BMERB1: variants seen among roughly 807,000 people sequenced by gnomAD.
BMERB1 encodes bMERB domain containing 1.
BMERB1 carries 12 observed loss-of-function variants against 23.6 expected under a neutral mutation model. The ratio of observed to expected loss-of-function variants is 0.51; its 90% CI spans 0.33 to 0.82. The LOEUF (loss-of-function observed/expected upper bound fraction) is 0.82. Among genes scored for constraint, BMERB1 ranks in the 40% least tolerant of loss-of-function variants. BMERB1 has a pLI of 0.03. For missense variants in BMERB1, 247 were observed against 255.4 expected, an observed-to-expected ratio of 0.97 and a Z score of 0.22; for synonymous variants, 122 against 96.6, an observed-to-expected ratio of 1.26 and a Z score of -1.54.
intron 3 of BMERB1, among the ~76,000 whole-genome samples, chr16:15,571,289 C>T (rs2150973333): frequency 6.6e-6 from 1 of 152,230 alleles, no homozygotes; most frequent in East Asian, 1.9e-4. Context: ...AAAATAAAGT[C>T]CCAGGACCCC....
chr16:15,451,977 C>T (rs914699718), intron 1 of BMERB1, among the ~76,000 whole-genome samples: 2 of 151,496 alleles, frequency 1.3e-5, no homozygotes, highest in African/African-American at 4.9e-5. Context: ...GAAATCCTTC[C>T]AGAATTTAAA....
Position 15,513,128 on chromosome 16 carries a change from T to G in BMERB1, c.107-2177T>G, listed in dbSNP as rs533624524. 8.5e-5 allele frequency among the ~76,000 whole-genome samples: 13 copies of G among 152,148 alleles called. No homozygotes were observed. In the East Asian group the frequency reaches 1.9e-3, roughly 23 times the overall value. The stretch of plus-strand genomic sequence containing the variant: ...CTCCCCCACTACCGATCAAAGGCCT[T>G]GAATAGCACATCACTTATATCTCAG... On this transcript the variant is annotated intron_variant, in intron 1 of 5. Transcript: ENST00000300006.
At chr16:15,586,590 G>T (rs2031149281) in intron 5 of BMERB1, 127 bp from the exon 6 acceptor site, 4 of 747,418 alleles carry the variant, frequency 5.4e-6, no homozygotes, top group Admixed American at 2.1e-5. Context: ...ACCTGAACAA[G>T]GCCTGGAACA....
intron 2 of BMERB1, among the ~76,000 whole-genome samples, chr16:15,531,813 A>G (rs1304891071): frequency 6.6e-6 from 1 of 152,180 alleles, no homozygotes; most frequent in African/African-American, 2.4e-5. Flanking sequence ...TGTCCCTATC[A>G]CGTGATGGTC....
At chr16:15,546,193 C>G (rs569119982) in intron 2 of BMERB1, among the ~76,000 whole-genome samples, 3 of 152,266 alleles carry the variant, frequency 2.0e-5, no homozygotes, top group East Asian at 3.9e-4. Context: ...GAGGCTGAGG[C>G]AGGAGGATGT....
chr16:15,518,156 T>C (rs2051797521), intron 2 of BMERB1, among the ~76,000 whole-genome samples: 1 of 152,206 alleles, frequency 6.6e-6, no homozygotes, highest in African/African-American at 2.4e-5. Context: ...AGTAAGCTCT[T>C]GACTTGTGAT....
chr16:15,444,442 CTTGGACAA>C (rs1485292081), intron 1 of BMERB1, among the ~76,000 whole-genome samples: 2 of 152,048 alleles, frequency 1.3e-5, no homozygotes, highest in African/African-American at 4.8e-5. Context: ...GCACTGTGAT[CTTGGACAA>C]TTGGCCTAAC....
intron 2 of BMERB1, among the ~76,000 whole-genome samples, chr16:15,543,803 A>G (rs2052107982): frequency 6.6e-6 from 1 of 152,224 alleles, no homozygotes; most frequent in South Asian, 2.1e-4. Flanking sequence ...CCTGGACCAC[A>G]GAGCAAGACC....
At chr16:15,451,600 C>T (rs527421062) in intron 1 of BMERB1, among the ~76,000 whole-genome samples, 26 of 143,646 alleles carry the variant, frequency 1.8e-4, no homozygotes, top group Admixed American at 6.5e-4. Context: ...ACTCTGTTAC[C>T]GAGGCCAGAG....
intron 2 of BMERB1, among the ~76,000 whole-genome samples, chr16:15,541,805 T>C (rs1217028373): frequency 6.6e-6 from 1 of 151,698 alleles, no homozygotes; most frequent in Non-Finnish European, 1.5e-5. Flanking sequence ...GGTTTCACCA[T>C]GTTAGCCAGG....
At chr16:15,470,832 T>G (rs1485019144) in intron 1 of BMERB1, among the ~76,000 whole-genome samples, 1 of 124,470 alleles carries the variant, frequency 8.0e-6, no homozygotes, top group South Asian at 2.8e-4. Context: ...CCTCTTTTTT[T>G]TTTTTTTTTT....
In BMERB1 at chr16:15,556,254, G is replaced by A. The variant is rs184734650; in HGVS notation, c.231-11729G>A. Among the ~76,000 whole-genome samples, 567 of 152,234 alleles carry A rather than the reference G, an allele frequency of 3.7e-3. 6 individuals carry two copies. The highest frequency in any genetic ancestry group is 0.013 in the African/African-American group (526 of 41,552). ...ATGTTGGCTGAGATAGTCCAGGAGA[G>A]TCTCTGTGAGCTGACTTTTTACCTA... On this transcript the variant is annotated intron_variant, in intron 2 of 5. Transcript: ENST00000300006.
chr16:15,576,390 C>CAGGGACGG (rs1406898391), intron 3 of BMERB1, among the ~76,000 whole-genome samples: 7 of 152,174 alleles, frequency 4.6e-5, no homozygotes, highest in African/African-American at 1.2e-4. Flanking sequence ...TTGTGATAAG[C>CAGGGACGG]AGGGACGGTT....
intron 3 of BMERB1, among the ~76,000 whole-genome samples, chr16:15,575,575 C>T (rs1486543008): frequency 6.6e-6 from 1 of 151,966 alleles, no homozygotes; most frequent in African/African-American, 2.4e-5. Context: ...AAGAATTGGA[C>T]AAAATGCACA....
chr16:15,438,462 C>CTTTTTTTTTTTTTTTTTTTTT (rs1241217450), intron 1 of BMERB1, among the ~76,000 whole-genome samples: 1 of 116,136 alleles, frequency 8.6e-6, no homozygotes, highest in African/African-American at 3.1e-5. Context: ...ATTTTCTAGA[C>CTTTTTTTTTTTTTTTTTTTTT]TATTTTTTTT....
At chr16:15,537,486 G>A (rs554831359) in intron 2 of BMERB1, among the ~76,000 whole-genome samples, 5 of 150,802 alleles carry the variant, frequency 3.3e-5, no homozygotes, top group East Asian at 3.9e-4. Flanking sequence ...CCCCAGTAGC[G>A]GGGATTACAG....
At chr16:15,497,562 C>T (rs370940909) in intron 1 of BMERB1, among the ~76,000 whole-genome samples, 5 of 152,204 alleles carry the variant, frequency 3.3e-5, no homozygotes, top group South Asian at 2.1e-4. Context: ...TTTTCACGTC[C>T]GTTGGGCCTC....
intron 2 of BMERB1, among the ~76,000 whole-genome samples, chr16:15,563,731 C>T (rs944846453): frequency 2.6e-5 from 4 of 152,102 alleles, no homozygotes; most frequent in Admixed American, 6.6e-5. Context: ...ACTTAAACAA[C>T]CAGATCTCGT....
intron 2 of BMERB1, among the ~76,000 whole-genome samples, chr16:15,552,481 C>T (rs2030121951): frequency 6.6e-6 from 1 of 152,066 alleles, no homozygotes; most frequent in South Asian, 2.1e-4. Context: ...GAACTCACAA[C>T]ACTTACTGTC....
Sources: gnomAD v4.1 joint callset for allele counts (sites outside exome capture counted in the v4.1 genomes callset) on GRCh38, gnomAD v4.1.1 for gene constraint, MANE v1.5 for transcripts, NCBI Gene and HGNC (gene_info 2026-07-23, HGNC 2026-07-21) for gene names.